Variants in GPATCH11 observed in about 807,000 individuals in gnomAD.
GPATCH11 encodes G-patch domain containing 11, also known as G patch domain-containing protein 11.
GPATCH11 carries 32 observed loss-of-function variants against 44.8 expected under a neutral mutation model. The ratio of observed to expected loss-of-function variants is 0.71; its 90% CI spans 0.54 to 0.96. The LOEUF is 0.96. Among genes scored for constraint, GPATCH11 ranks in the 40% least tolerant of loss-of-function variants. GPATCH11 has a pLI of 0.00. For synonymous variants in GPATCH11, 84 were observed against 94.4 expected (o/e 0.89, Z 0.64); for missense variants, 324 against 303.1 (o/e 1.07, Z -0.51).
chr2:37,089,574 T>TAAAAAAAAA (rs371385606), intron 2 of GPATCH11, 66 bp from the exon 3 acceptor site: 8 of 960,854 alleles, frequency 8.3e-6, no homozygotes. Context: ...TCTCAAAAAA[T>TAAAAAAAAA]AAAAAAAAAA....
At chr2:37,095,628 A>T in intron 8 of GPATCH11, 110 bp downstream of exon 8, 1 of 1,209,142 alleles carries the variant, frequency 8.3e-7, no homozygotes, top group Non-Finnish European at 1.1e-6. Context: ...AAATGGCAGT[A>T]TGGGACCAAT....
Position 37,095,519 on chromosome 2 carries a change from G to T in GPATCH11, c.736+1G>T, listed in dbSNP as rs773972548. On this transcript the variant is annotated splice_donor_variant, in intron 8 of 8. Transcript: ENST00000674370. LOFTEE classifies it high-confidence loss of function. ...ATTTGGTGTGGAACAGCCTATGAAG[G>T]TAAGAAAATTACTTTATGCTTTTTA... 1.3e-6 allele frequency: 2 copies of T among 1,582,114 alleles called. No individual in the cohort carries two copies. The highest frequency in any genetic ancestry group is 1.7e-6 in the Non-Finnish European group (2 of 1,168,964).
rs1183943550 is a variant in GPATCH11, at chr2:37,084,520, G to A, written c.-64G>A. 8.1e-7 allele frequency: 1 copy of A among 1,232,434 alleles called. No homozygotes were observed. The highest frequency in any genetic ancestry group is 1.6e-5 in the African/African-American group (1 of 64,434). 76.3% of individuals were successfully genotyped at this position (1,232,434 alleles called of 1,614,324 possible). On this transcript the variant is annotated 5_prime_UTR_variant, in exon 1 of 9. The change abolishes an upstream ATG in the 5' untranslated region. Transcript: ENST00000674370. ...GTCCGACGCTGGTCGGTGGGCGCAT[G>A]CGCAGCGCGCGCTCTACGGCGCTGA...
Position 37,089,946 on chromosome 2 carries a change from A to C in GPATCH11, c.286+80A>C, listed in dbSNP as rs1200904934. On this transcript the variant is annotated intron_variant, in intron 3 of 8. Coordinates refer to ENST00000674370, the MANE Select transcript of GPATCH11 (RefSeq NM_174931.4). The stretch of plus-strand genomic sequence containing the variant: ...GGATAAGGACCAAAGCTGATGCTTT[A>C]ATCTTTATCTACACAGAAATTATAA... 3 of 939,772 alleles carry C rather than the reference A, an allele frequency of 3.2e-6. No homozygotes were observed. In the African/African-American group the frequency reaches 5.0e-5, roughly 16 times the overall value. The allele number at this position is 939,772 out of a possible 1,614,324, so 58.2% of individuals were successfully genotyped here.
chr2:37,091,820 C>T (rs1031728957), intron 4 of GPATCH11, 96 bp from the exon 5 acceptor site: 21 of 1,173,416 alleles, frequency 1.8e-5, no homozygotes, highest in Non-Finnish European at 2.0e-5. Context: ...TGATAGTACT[C>T]AAATGAGAAT....
rs745508220 is a variant in GPATCH11, at chr2:37,096,245, T to C, written c.774T>C (p.Thr258=). Residue 258 remains threonine (T), a synonymous_variant, in exon 9 of 9, where the codon ACT becomes ACC. Transcript: ENST00000674370. ...EDLSSNCPGP[T]SADHD ...TATCTTCAAATTGTCCAGGACCAACTTCTGCAGATCATGACTAAGATTATT... is the reference window on the plus strand; with the variant it reads ...TATCTTCAAATTGTCCAGGACCAACCTCTGCAGATCATGACTAAGATTATT... The C allele has an allele frequency of 3.3e-5, 53 of 1,588,844 alleles. No homozygotes were observed. In the Admixed American group the frequency reaches 4.2e-4, roughly 13 times the overall value.
At position 37,084,573 on chromosome 2, in the gene GPATCH11, A is replaced by G; in HGVS notation, c.-14+3A>G. On this transcript the variant is annotated splice_donor_region_variant and intron_variant, in intron 1 of 8. Transcript: ENST00000674370. ...CGGGGCGAGCAGAGAGCTGTCAGGT[A>G]AGAGAGCTGTCAGGTAAGGGTCTGG... is the stretch of plus-strand genomic sequence containing the variant. 2 of 1,232,284 alleles carry G rather than the reference A, an allele frequency of 1.6e-6. No individual in the cohort carries two copies. The highest frequency in any genetic ancestry group is 2.0e-6 in the Non-Finnish European group (2 of 988,032). The allele number at this position is 1,232,284 out of a possible 1,614,324, so 76.3% of individuals were successfully genotyped here.
rs1187475690 is a variant in GPATCH11, at chr2:37,097,311, T to G, written c.*1048T>G. The G allele has an allele frequency of 6.6e-6, 1 of 152,206 alleles. No homozygotes were observed. Among genetic ancestry groups the G allele is most frequent in the Non-Finnish European group, 1.5e-5 (1 of 68,040 alleles). 9.4% of individuals were successfully genotyped at this position (152,206 alleles called of 1,614,324 possible). A position where few individuals can be genotyped will look rare whatever the true frequency, so the allele number is the denominator to read the frequency against. Reference sequence around the variant, plus strand: ...TCTCTTAAACTGAAATCTGCTTCCCTGTAATATTAATGAATACAGCTAAGG... The same window carrying G: ...TCTCTTAAACTGAAATCTGCTTCCCGGTAATATTAATGAATACAGCTAAGG... On this transcript the variant is annotated 3_prime_UTR_variant, in exon 9 of 9. Transcript: ENST00000674370.
At position 37,084,661 on chromosome 2, in the gene GPATCH11, A is replaced by C. The variant is rs1333975383; in HGVS notation, c.-14+91A>C. 5.8e-5 allele frequency: 62 copies of C among 1,076,958 alleles called. No homozygotes were observed. The East Asian group carries it at 2.0e-3, about 35-fold the overall frequency. The allele number at this position is 1,076,958 out of a possible 1,614,324, so 66.7% of individuals were successfully genotyped here. A position where few individuals can be genotyped will look rare whatever the true frequency, so the allele number is the denominator to read the frequency against. ...GCCATGACTACCGTATCACACCGTC[A>C]GCCACTTTTCCATCCGTGGGTGGTT... On this transcript the variant is annotated intron_variant, in intron 1 of 8. Coordinates refer to ENST00000674370, the MANE Select transcript of GPATCH11 (RefSeq NM_174931.4).
intron 3 of GPATCH11, 82 bp from the exon 4 acceptor site, chr2:37,090,599 G>C: frequency 4.3e-6 from 3 of 703,934 alleles, no homozygotes; most frequent in Non-Finnish European, 7.5e-6. Context: ...CATATGCATA[G>C]AGCATTGTAA....
intron 1 of GPATCH11, among the ~76,000 whole-genome samples, chr2:37,085,938 C>T (rs1314557901): frequency 6.6e-6 from 1 of 152,190 alleles, no homozygotes; most frequent in Non-Finnish European, 1.5e-5. Context: ...TGAGTTTGTG[C>T]TGGCTTTTAA....
chr2:37,095,962 C>T (rs141679496), intron 8 of GPATCH11, among the ~76,000 whole-genome samples: 12 of 152,226 alleles, frequency 7.9e-5, no homozygotes, highest in Non-Finnish European at 1.5e-4. Context: ...TTTACACTTA[C>T]CAGGTGTCTT....
In GPATCH11 at chr2:37,088,434, A is replaced by G; in HGVS notation, c.53A>G (p.Asn18Ser). 6.5e-7 allele frequency: 1 copy of G among 1,542,260 alleles called. No homozygotes were observed. Among genetic ancestry groups the G allele is most frequent in the Non-Finnish European group, 8.9e-7 (1 of 1,119,722 alleles). The stretch of plus-strand genomic sequence containing the variant: ...GACTATATGTCTGATTCCTTCATTA[A>G]TGTCCAGTAAGTAAATGTGCACACC... Reference protein sequence around the residue: ...EEDYMSDSFINVQEDIRPGLP... With the variant: ...EEDYMSDSFISVQEDIRPGLP... The change falls in exon 2 of 9, where the codon AAT (asparagine) becomes AGT (serine). Residue 18 changes from asparagine (N) to serine (S), a missense_variant. Transcript: ENST00000674370.
At position 37,092,924 on chromosome 2, in the gene GPATCH11, T is replaced by C. The variant is rs564796648; in HGVS notation, c.540+669T>C. Among the ~76,000 whole-genome samples, 5 of 152,246 alleles carry C rather than the reference T, an allele frequency of 3.3e-5. No individual in the cohort carries two copies. In the South Asian group the frequency reaches 6.2e-4, roughly 19 times the overall value. On this transcript the variant is annotated intron_variant, in intron 6 of 8. Coordinates refer to ENST00000674370, the MANE Select transcript of GPATCH11 (RefSeq NM_174931.4). Reference sequence around the variant, plus strand: ...ACTTTGGGAGGCAAAGGCAGGATGATTATTTCAGCCCAGGAGTTCGAGACC... The same window carrying C: ...ACTTTGGGAGGCAAAGGCAGGATGACTATTTCAGCCCAGGAGTTCGAGACC...
At position 37,094,194 on chromosome 2, in the gene GPATCH11, G is replaced by T; in HGVS notation, c.653G>T (p.Ser218Ile). 6.6e-7 allele frequency: 1 copy of T among 1,524,170 alleles called. No individual in the cohort carries two copies. The highest frequency in any genetic ancestry group is 8.9e-7 in the Non-Finnish European group (1 of 1,120,726). 94.4% of individuals were successfully genotyped at this position (1,524,170 alleles called of 1,614,324 possible). A position where few individuals can be genotyped will look rare whatever the true frequency, so the allele number is the denominator to read the frequency against. Residue 218 changes from serine to isoleucine, a missense_variant and splice_region_variant, in exon 7 of 9, where the codon AGC becomes ATC. Ser to Ile is a moderately radical substitution (Grantham distance 142). Coordinates refer to ENST00000674370, the MANE Select transcript of GPATCH11 (RefSeq NM_174931.4). The part of the protein sequence containing the change: ...DEDEYKSEDL[S>I]VLEKLQILTS... The stretch of plus-strand genomic sequence containing the variant: ...GATGAATATAAGAGTGAAGATTTAA[G>T]CGTATGCTTTGCACCATTTCCTTCA...
At chr2:37,085,655 G>A (rs961375545) in intron 1 of GPATCH11, among the ~76,000 whole-genome samples, 2 of 152,172 alleles carry the variant, frequency 1.3e-5, no homozygotes, top group African/African-American at 4.8e-5. Flanking sequence ...ACTGGATAGG[G>A]GACAAAGAGG....
At chr2:37,090,796 A>G (rs984112160) in intron 4 of GPATCH11, 74 bp downstream of exon 4, 3 of 742,316 alleles carry the variant, frequency 4.0e-6, no homozygotes, top group Admixed American at 3.3e-5. Context: ...TATTTGCTCA[A>G]TAAATACTTT....
chr2:37,087,042 G>A (rs1204463526), intron 1 of GPATCH11, among the ~76,000 whole-genome samples: 1 of 152,044 alleles, frequency 6.6e-6, no homozygotes, highest in Admixed American at 6.6e-5. Context: ...TCCCTTCATG[G>A]GGCCAAGAAG....
intron 4 of GPATCH11, 103 bp downstream of exon 4, chr2:37,090,825 G>A: frequency 1.7e-6 from 1 of 592,268 alleles, no homozygotes; most frequent in Non-Finnish European, 2.9e-6. Flanking sequence ...TGATAATACT[G>A]TTACAGTTCA....
Sources: allele counts gnomAD v4.1 joint callset (sites outside exome capture counted in the v4.1 genomes callset), GRCh38; gene constraint gnomAD v4.1.1; transcripts MANE v1.5; gene names NCBI Gene and HGNC (gene_info 2026-07-23, HGNC 2026-07-21).